The following ZRANB3 variants were observed in gnomAD, a reference collection of about 807,000 sequenced individuals.
The protein encoded by ZRANB3 is DNA annealing helicase and endonuclease ZRANB3.
In ZRANB3, 125 loss-of-function variants were observed where a neutral mutation model predicts 133.8. The observed-to-expected ratio is 0.93, with a 90% CI of 0.81 to 1.08. The LOEUF is 1.08. Among genes scored for constraint, ZRANB3 ranks in the 50% least tolerant of loss-of-function variants. The pLI is 0.00. For synonymous variants in ZRANB3, 387 were observed against 432.7 expected, an observed-to-expected ratio of 0.89 and a Z score of 1.31; for missense variants, 1,229 against 1,275.5, an observed-to-expected ratio of 0.96 and a Z score of 0.56.
chr2:135,325,552 T>C (rs1165925134), intron 6 of ZRANB3, among the ~76,000 whole-genome samples: 2 of 152,120 alleles, frequency 1.3e-5, no homozygotes, highest in African/African-American at 4.8e-5. Context: ...CCACCATGCC[T>C]GGCTAATTTT....
intron 8 of ZRANB3, among the ~76,000 whole-genome samples, chr2:135,305,182 T>C (rs763014334): frequency 2.0e-4 from 31 of 152,282 alleles, no homozygotes; most frequent in Admixed American, 4.6e-4. Context: ...TTCGCCATGT[T>C]TGCCAGGCCT....
At chr2:135,492,125 T>C (rs762594831) in intron 2 of ZRANB3, among the ~76,000 whole-genome samples, 21 of 152,172 alleles carry the variant, frequency 1.4e-4, no homozygotes, top group Admixed American at 2.6e-4. Context: ...TAGTGGATCA[T>C]AGAATGATCA....
intron 2 of ZRANB3, among the ~76,000 whole-genome samples, chr2:135,464,561 G>A (rs1263366331): frequency 6.6e-6 from 1 of 152,164 alleles, no homozygotes; most frequent in Non-Finnish European, 1.5e-5. Flanking sequence ...GGGTACTCTG[G>A]CCTGGCAATA....
At chr2:135,507,820 G>A (rs887609176) in intron 1 of ZRANB3, among the ~76,000 whole-genome samples, 1 of 152,024 alleles carries the variant, frequency 6.6e-6, no homozygotes, top group Admixed American at 6.6e-5. Flanking sequence ...CTGGTTGTGG[G>A]GGTGCATGCC....
chr2:135,231,591 C>T (rs1252432509), intron 12 of ZRANB3, among the ~76,000 whole-genome samples: 1 of 152,018 alleles, frequency 6.6e-6, no homozygotes, highest in Non-Finnish European at 1.5e-5. Flanking sequence ...GAAACCCCGT[C>T]ACTACAAAAA....
intron 2 of ZRANB3, among the ~76,000 whole-genome samples, chr2:135,483,737 T>C (rs1302073083): frequency 1.3e-5 from 2 of 152,238 alleles, no homozygotes; most frequent in South Asian, 2.1e-4. Context: ...CCGCTTTCTC[T>C]TGTGGGCATT....
intron 3 of ZRANB3, among the ~76,000 whole-genome samples, chr2:135,364,617 C>T (rs2104891275): frequency 6.6e-6 from 1 of 151,552 alleles, no homozygotes; most frequent in South Asian, 2.1e-4. Flanking sequence ...GGTGTGGTGG[C>T]TCATGCCTGT....
chr2:135,490,671 G>C (rs1692330440), intron 2 of ZRANB3, among the ~76,000 whole-genome samples: 1 of 152,074 alleles, frequency 6.6e-6, no homozygotes, highest in Non-Finnish European at 1.5e-5. Context: ...GAGAAATCAA[G>C]AGATATCTGC....
At chr2:135,347,145 T>C (rs1684972876) in intron 5 of ZRANB3, among the ~76,000 whole-genome samples, 2 of 152,206 alleles carry the variant, frequency 1.3e-5, no homozygotes, top group South Asian at 2.1e-4. Flanking sequence ...TCCAAATAAT[T>C]CCATTGTACG....
intron 2 of ZRANB3, among the ~76,000 whole-genome samples, chr2:135,500,324 T>A (rs1692878970): frequency 6.6e-6 from 1 of 152,168 alleles, no homozygotes; most frequent in African/African-American, 2.4e-5. Context: ...AAGATTTGTA[T>A]AAGAACATTC....
At chr2:135,299,386 C>T (rs1682323634) in intron 8 of ZRANB3, among the ~76,000 whole-genome samples, 2 of 152,300 alleles carry the variant, frequency 1.3e-5, no homozygotes, top group South Asian at 4.1e-4. Flanking sequence ...TACATCCAGG[C>T]AGCTCTTGCC....
At chr2:135,403,389 G>A (rs757746158) in intron 2 of ZRANB3, among the ~76,000 whole-genome samples, 14 of 152,198 alleles carry the variant, frequency 9.2e-5, no homozygotes, top group Admixed American at 4.6e-4. Context: ...ACTGGAAGGC[G>A]GCAGCAAGGC....
chr2:135,495,327 A>G (rs926325634), intron 2 of ZRANB3, among the ~76,000 whole-genome samples: 1 of 152,228 alleles, frequency 6.6e-6, no homozygotes, highest in African/African-American at 2.4e-5. Context: ...ATTTTTAAAA[A>G]ACACATACTA....
chr2:135,353,828 C>T (rs1376840786), intron 3 of ZRANB3, among the ~76,000 whole-genome samples, 200 bp from the exon 4 acceptor site: 1 of 151,968 alleles, frequency 6.6e-6, no homozygotes, highest in Admixed American at 6.6e-5. Context: ...TGGTGAAACC[C>T]TGTCTCTATA....
intron 3 of ZRANB3, among the ~76,000 whole-genome samples, chr2:135,381,551 C>T (rs991597564): frequency 7.2e-5 from 11 of 152,180 alleles, no homozygotes; most frequent in African/African-American, 1.7e-4. Flanking sequence ...CTGCCTCTCA[C>T]GTGGGTCCCT....
chr2:135,232,723 A>T (rs1218787093), intron 12 of ZRANB3, among the ~76,000 whole-genome samples: 1 of 152,266 alleles, frequency 6.6e-6, no homozygotes, highest in African/African-American at 2.4e-5. Flanking sequence ...ACAGACCTGC[A>T]GCTGAGGGTC....
chr2:135,507,853 G>A (rs1297574478), intron 1 of ZRANB3, among the ~76,000 whole-genome samples: 1 of 152,044 alleles, frequency 6.6e-6, no homozygotes, highest in Non-Finnish European at 1.5e-5. Context: ...TACTTGGGAG[G>A]CTTCAGAGGA....
intron 3 of ZRANB3, among the ~76,000 whole-genome samples, chr2:135,378,911 A>G (rs1375443913): frequency 2.0e-5 from 3 of 152,214 alleles, no homozygotes; most frequent in African/African-American, 4.8e-5. Flanking sequence ...CTAAAGAGAC[A>G]TTGCTAATAT....
chr2:135,202,595 C>A, intron 20 of ZRANB3: 1 of 362,270 alleles, frequency 2.8e-6, no homozygotes, highest in Non-Finnish European at 5.0e-6. Context: ...TCATTTCTTT[C>A]TTGGTAGTGG....
Sources: gnomAD v4.1 joint callset for allele counts (sites outside exome capture counted in the v4.1 genomes callset) on GRCh38, gnomAD v4.1.1 for gene constraint, MANE v1.5 for transcripts, NCBI Gene and HGNC (gene_info 2026-07-23, HGNC 2026-07-21) for gene names.